RNF19B: variants seen among roughly 807,000 people sequenced by gnomAD.
RNF19B encodes the protein E3 ubiquitin-protein ligase RNF19B.
Under a neutral mutation model 65.5 loss-of-function variants are expected in RNF19B, and 23 were observed. That is an observed-to-expected ratio of 0.35 (90% CI 0.25 to 0.50). RNF19B has a LOEUF of 0.50. RNF19B is among the 20% of genes least tolerant of loss of function. The probability of loss-of-function intolerance (pLI) is 0.98; values close to 1 mark genes in which losing one functional copy is unlikely to be tolerated. For missense variants in RNF19B, 794 were observed against 980.0 expected, an observed-to-expected ratio of 0.81 and a Z score of 2.53; for synonymous variants, 372 against 379.6, an observed-to-expected ratio of 0.98 and a Z score of 0.23.
rs1008122606 is a variant in RNF19B at position 32,949,174 on chromosome 1, T to C, written c.841+395A>G. ...TCCTTTTCTTCAATCTGTACTCTAC[T>C]TCCAAAGGCAGTGAGGCACTTAAGT... On this transcript the variant is annotated intron_variant, in intron 2 of 8. Transcript: ENST00000235150. Among the ~76,000 whole-genome samples the C allele has an allele frequency of 7.2e-5, 11 of 152,214 alleles. No individual in the cohort carries two copies. In the South Asian group the frequency reaches 1.0e-3, roughly 14 times the overall value.
At chr1:32,939,038 C>T (rs1031140826) in intron 7 of RNF19B, among the ~76,000 whole-genome samples, 2 of 152,178 alleles carry the variant, frequency 1.3e-5, no homozygotes, top group African/African-American at 2.4e-5. Context: ...CATGACTTTG[C>T]ACATGCTATT....
In RNF19B at chr1:32,959,781, T is replaced by C. The variant is rs374925821; in HGVS notation, c.635+4270A>G. On this transcript the variant is annotated intron_variant, in intron 1 of 8. Coordinates refer to ENST00000235150, the MANE Select transcript of RNF19B (RefSeq NM_001300826.2). ...GGCCGGGCACAGTGGCTCACGCCTGTAATCCCAGCACTTTGGGAGGCCGAG... is the reference window on the plus strand; with the variant it reads ...GGCCGGGCACAGTGGCTCACGCCTGCAATCCCAGCACTTTGGGAGGCCGAG... Among the ~76,000 whole-genome samples the C allele has an allele frequency of 3.5e-4, 53 of 151,354 alleles. No individual in the cohort carries two copies. The East Asian group carries it at 4.9e-3, about 14-fold the overall frequency.
In RNF19B at chr1:32,964,546, C is replaced by T. The variant is rs1485389957; in HGVS notation, c.140G>A (p.Arg47His). Residue 47 changes from arginine to histidine, a missense_variant, in exon 1 of 9, where the codon CGC becomes CAC. Around this residue, in one of 3 missense-constraint regions of RNF19B, gnomAD observed 374 missense variants for 423.8 expected, o/e 0.88. Transcript: ENST00000235150. The surrounding 1 kb of genome is among the most constrained non-coding windows in gnomAD (Gnocchi z 6.5). ...SVFSASARGR[R>H]ARAKPQAEPP... ...CTCGGCCTGCGGCTTGGCCCGGGCG[C>T]GGCGGCCGCGGGCCGAGGCAGAGAA... The T allele has an allele frequency of 9.0e-6, 11 of 1,217,768 alleles. No homozygotes were observed. The highest frequency in any genetic ancestry group is 1.0e-5 in the Non-Finnish European group (10 of 970,752). 75.4% of individuals were successfully genotyped at this position (1,217,768 alleles called of 1,614,324 possible). A position where few individuals can be genotyped will look rare whatever the true frequency, so the allele number is the denominator to read the frequency against.
intron 1 of RNF19B, among the ~76,000 whole-genome samples, chr1:32,950,337 T>C (rs1431060976): frequency 6.6e-6 from 1 of 152,186 alleles, no homozygotes; most frequent in Non-Finnish European, 1.5e-5. Context: ...AGGTGGAGTA[T>C]CTTATTTATC....
intron 4 of RNF19B, among the ~76,000 whole-genome samples, chr1:32,946,038 A>AT (rs928904165): frequency 4.6e-5 from 7 of 151,862 alleles, no homozygotes; most frequent in Admixed American, 2.6e-4. Context: ...TAATTTTTCT[A>AT]TTTTTTTGGG....
Position 32,964,273 on chromosome 1 carries a change from G to C in RNF19B, c.413C>G (p.Pro138Arg). The C allele has an allele frequency of 6.5e-7, 1 of 1,534,828 alleles. No individual in the cohort carries two copies. The highest frequency in any genetic ancestry group is 8.8e-7 in the Non-Finnish European group (1 of 1,142,756). ...GAGGCAGTCCCGGCACGAGCGGTGCGGACAGCTGAGGAGGCGCGGGGCCCG... is the reference window on the plus strand; with the variant it reads ...GAGGCAGTCCCGGCACGAGCGGTGCCGACAGCTGAGGAGGCGCGGGGCCCG... ...PERAPRLLSC[P>R]HRSCRDCLRH... The change falls in exon 1 of 9, where the codon CCG becomes CGG. Residue 138 changes from proline to arginine, a missense_variant. Around this residue, in one of 3 missense-constraint regions of RNF19B, gnomAD observed 374 missense variants for 423.8 expected, o/e 0.88. Transcript: ENST00000235150. The surrounding 1 kb of genome is among the most constrained non-coding windows in gnomAD (Gnocchi z 6.5).
chr1:32,933,002 A>C (rs1456062361), downstream of RNF19B, among the ~76,000 whole-genome samples: 2 of 152,162 alleles, frequency 1.3e-5, no homozygotes, highest in Admixed American at 6.6e-5. Context: ...ATCAAGGAGG[A>C]CCAACCTGGT....
downstream of RNF19B, among the ~76,000 whole-genome samples, chr1:32,931,455 T>C (rs1037273206): frequency 2.0e-5 from 3 of 152,154 alleles, no homozygotes; most frequent in Non-Finnish European, 4.4e-5. Context: ...GCCATATCTA[T>C]AAGGGGAAGA....
intron 1 of RNF19B, among the ~76,000 whole-genome samples, chr1:32,954,700 T>C (rs985407956): frequency 6.8e-6 from 1 of 147,358 alleles, no homozygotes; most frequent in African/African-American, 2.5e-5. Flanking sequence ...ACCACACCAC[T>C]GCACTCCAGC....
Position 32,946,523 on chromosome 1 carries a change from C to G in RNF19B, c.1025G>C (p.Arg342Pro), listed in dbSNP as rs201225036. The change falls in exon 4 of 9, where the codon CGT (arginine) becomes CCT (proline). Residue 342 changes from arginine to proline, a missense_variant. By Grantham distance (103) the Arg-to-Pro change is moderately radical. This residue lies in a region of RNF19B where 52 missense variants were observed against 108.8 expected (regional missense o/e 0.48). Coordinates refer to ENST00000235150, the MANE Select transcript of RNF19B (RefSeq NM_001300826.2). Reference sequence around the variant, plus strand: ...CAGCTGCCAAAGAATTTTCTTCTTACGGCTCCATGGCTTCTTGCCCCAGAA... The same window carrying G: ...CAGCTGCCAAAGAATTTTCTTCTTAGGGCTCCATGGCTTCTTGCCCCAGAA... The part of the protein sequence containing the change: ...CTFWGKKPWS[R>P]KKKILWQLGT... 6 of 1,614,056 alleles carry G rather than the reference C, an allele frequency of 3.7e-6. No individual in the cohort carries two copies. The South Asian group carries it at 4.4e-5, about 12-fold the overall frequency.
intron 1 of RNF19B, 133 bp from the exon 2 acceptor site, chr1:32,949,907 C>T: frequency 1.6e-6 from 1 of 638,456 alleles, no homozygotes; most frequent in South Asian, 1.9e-5. Flanking sequence ...AATACACATA[C>T]ACACATATAC....
In RNF19B at chr1:32,964,580, G is replaced by T. The variant is rs769198911; in HGVS notation, c.106C>A (p.His36Asn). 1 of 1,435,990 alleles carries T rather than the reference G, an allele frequency of 7.0e-7. No homozygotes were observed. The highest frequency in any genetic ancestry group is 1.3e-5 in the South Asian group (1 of 76,448). The allele number at this position is 1,435,990 out of a possible 1,614,324, so 89.0% of individuals were successfully genotyped here. A position where few individuals can be genotyped will look rare whatever the true frequency, so the allele number is the denominator to read the frequency against. ...SGGRRRRLTLHSVFSASARGR... is the reference protein window; with the variant it reads ...SGGRRRRLTLNSVFSASARGR... ...CGGGCCGAGGCAGAGAAGACGCTGT[G>T]CAAGGTGAGGCGCCGGCGCCGGCCG... Residue 36 changes from histidine to asparagine, a missense_variant, in exon 1 of 9, where the codon CAC becomes AAC. Around this residue, in one of 3 missense-constraint regions of RNF19B, gnomAD observed 374 missense variants for 423.8 expected, o/e 0.88. Transcript: ENST00000235150. This position sits in a 1 kb window ranked among gnomAD's most constrained non-coding sequence, Gnocchi z 6.5.
downstream of RNF19B, among the ~76,000 whole-genome samples, chr1:32,935,102 T>C (rs994862215): frequency 8.6e-5 from 13 of 152,020 alleles, no homozygotes; most frequent in Admixed American, 1.3e-4. Context: ...AGTGCTGGGA[T>C]TGCAGGTGTG....
intron 6 of RNF19B, among the ~76,000 whole-genome samples, chr1:32,943,073 G>A (rs536170688): frequency 6.6e-6 from 1 of 151,450 alleles, no homozygotes; most frequent in African/African-American, 2.4e-5. Context: ...CCCAGGAGCC[G>A]GAGCCTGCAG....
intron 5 of RNF19B, among the ~76,000 whole-genome samples, chr1:32,944,753 A>T (rs1642324736): frequency 6.6e-6 from 1 of 151,656 alleles, no homozygotes; most frequent in South Asian, 2.1e-4. Flanking sequence ...CAGTGGCACG[A>T]TCTCGGCTCA....
At position 32,946,507 on chromosome 1, in the gene RNF19B, A is replaced by G. The variant is rs141361817; in HGVS notation, c.1041T>C (p.Leu347=). Residue 347 remains leucine (L), a synonymous_variant, in exon 4 of 9, where the codon CTT becomes CTC. Coordinates refer to ENST00000235150, the MANE Select transcript of RNF19B (RefSeq NM_001300826.2). The part of the protein sequence containing the change: ...KKPWSRKKKI[L]WQLGTLIGAP... Reference sequence around the variant, plus strand: ...CACCAATCAACGTGCCCAGCTGCCAAAGAATTTTCTTCTTACGGCTCCATG... The same window carrying G: ...CACCAATCAACGTGCCCAGCTGCCAGAGAATTTTCTTCTTACGGCTCCATG... The G allele has an allele frequency of 3.6e-5, 58 of 1,614,168 alleles. No individual in the cohort carries two copies. The highest frequency in any genetic ancestry group is 4.7e-5 in the Non-Finnish European group (55 of 1,180,004).
rs1180002582 is a variant in RNF19B, at chr1:32,953,901, CTT to C, written c.636-4129_636-4128del. Among the ~76,000 whole-genome samples the C allele has an allele frequency of 5.2e-3, 436 of 84,172 alleles. 1 individual carries two copies. The highest frequency in any genetic ancestry group is 0.018 in the African/African-American group (385 of 20,904). 55.2% of individuals were successfully genotyped at this position (84,172 alleles called of 152,430 possible). On this transcript the variant is annotated intron_variant, in intron 1 of 8. Coordinates refer to ENST00000235150, the MANE Select transcript of RNF19B (RefSeq NM_001300826.2). ...ATTAACATTCCCCCAGCCCCCACTT[CTT>C]TTTTTTTTTTTTTTTTTTTTTTGAG... is the stretch of plus-strand genomic sequence containing the variant.
In RNF19B at chr1:32,964,083, G is replaced by T. The variant is rs369366328; in HGVS notation, c.603C>A (p.Pro201=). 8.5e-6 allele frequency: 13 copies of T among 1,522,774 alleles called. No homozygotes were observed. The highest frequency in any genetic ancestry group is 1.1e-5 in the Non-Finnish European group (12 of 1,135,582). 94.3% of individuals were successfully genotyped at this position (1,522,774 alleles called of 1,614,324 possible). A position where few individuals can be genotyped will look rare whatever the true frequency, so the allele number is the denominator to read the frequency against. The change falls in exon 1 of 9, where the codon CCC becomes CCA. Residue 201 remains proline (P), a synonymous_variant. Transcript: ENST00000235150. The surrounding 1 kb of genome is among the most constrained non-coding windows in gnomAD (Gnocchi z 6.5). ...CCGGGGCCGGGCACCAGCGGCAGTC[G>T]GGGTCCGAGGCTAGGTAGCGGCGCA... is the stretch of plus-strand genomic sequence containing the variant. ...FMLRRYLASD[P]DCRWCPAPDC...
Position 32,964,638 on chromosome 1 carries a change from A to G in RNF19B, c.48T>C (p.His16=). The change falls in exon 1 of 9, where the codon CAT becomes CAC. Residue 16 remains histidine (H), a synonymous_variant. Transcript: ENST00000235150. The surrounding 1 kb of genome is among the most constrained non-coding windows in gnomAD (Gnocchi z 6.5). ...DSESPRSTSL[H]AAAPDPKCRS... ...GGCACTTAGGGTCGGGTGCGGCCGC[A>G]TGTAGCGATGTGGAGCGCGGCGACT... 1 of 1,473,824 alleles carries G rather than the reference A, an allele frequency of 6.8e-7. No homozygotes were observed. The highest frequency in any genetic ancestry group is 9.0e-7 in the Non-Finnish European group (1 of 1,116,570). The allele number at this position is 1,473,824 out of a possible 1,614,324, so 91.3% of individuals were successfully genotyped here.
Sources: allele counts gnomAD v4.1 joint callset (sites outside exome capture counted in the v4.1 genomes callset), GRCh38; gene constraint gnomAD v4.1.1; regional missense constraint gnomAD v4.1.1; non-coding constraint Gnocchi (gnomAD v3.1); transcripts MANE v1.5; gene names NCBI Gene and HGNC (gene_info 2026-07-23, HGNC 2026-07-21).